KANSL1: variants seen among roughly 807,000 people sequenced by gnomAD.
KANSL1 encodes MLL1/MLL complex subunit KANSL1.
In KANSL1, 22 loss-of-function variants were observed where a neutral mutation model predicts 103.6. The ratio of observed to expected loss-of-function variants is 0.21; its 90% confidence interval spans 0.15 to 0.30. The LOEUF is 0.30. Among genes scored for constraint, KANSL1 ranks in the 10% least tolerant of loss-of-function variants. KANSL1 has a pLI of 1.00. For synonymous variants in KANSL1, 600 were observed against 527.6 expected (o/e 1.14, Z -1.88); for missense variants, 1,337 against 1,399.8 (o/e 0.96, Z 0.72).
intron 3 of KANSL1, chr17:46,088,679 G>C (rs931130584): frequency 6.6e-6 from 1 of 152,522 alleles, no homozygotes; most frequent in Non-Finnish European, 1.5e-5. Context: ...TTTGAGACCA[G>C]CCTGGACAAC....
chr17:46,053,569 C>A (rs2077804880), intron 6 of KANSL1, among the ~76,000 whole-genome samples: 1 of 151,790 alleles, frequency 6.6e-6, no homozygotes, highest in Non-Finnish European at 1.5e-5. Flanking sequence ...GTAGCTGGGA[C>A]TACAGGCGCC....
chr17:46,213,674 T>C (rs907795978), intron 1 of KANSL1, among the ~76,000 whole-genome samples: 1 of 151,052 alleles, frequency 6.6e-6, no homozygotes, highest in African/African-American at 2.4e-5. Context: ...CCCAGTACTT[T>C]GTGGAGGCCG....
At chr17:46,101,388 A>T (rs1205190057) in intron 2 of KANSL1, among the ~76,000 whole-genome samples, 1 of 152,238 alleles carries the variant, frequency 6.6e-6, no homozygotes, top group Non-Finnish European at 1.5e-5. Flanking sequence ...CATCTGCTTC[A>T]CAAAGTTGTG....
At chr17:46,054,856 T>TG (rs1476887501) in intron 6 of KANSL1, among the ~76,000 whole-genome samples, 8 of 97,006 alleles carry the variant, frequency 8.2e-5, no homozygotes, top group Non-Finnish European at 2.0e-4. Context: ...TCAAAGTAAC[T>TG]TTTTTTTTTT....
chr17:46,085,800 T>C (rs1038390915), intron 3 of KANSL1, among the ~76,000 whole-genome samples: 30 of 152,162 alleles, frequency 2.0e-4, no homozygotes, highest in Admixed American at 7.2e-4. Flanking sequence ...CTAATTGTTC[T>C]ATTTTTTGGT....
At chr17:46,112,929 C>G (rs1166648180) in intron 2 of KANSL1, among the ~76,000 whole-genome samples, 2 of 152,130 alleles carry the variant, frequency 1.3e-5, no homozygotes, top group Non-Finnish European at 2.9e-5. Context: ...CCATGTTGGT[C>G]AGGGTGGTCT....
intron 10 of KANSL1, chr17:46,037,455 T>C (rs1417406100): frequency 2.0e-5 from 3 of 152,244 alleles, no homozygotes; most frequent in East Asian, 1.9e-4. Flanking sequence ...TTTTATGAGC[T>C]TGGAAGTTTC....
chr17:46,219,959 C>G (rs1226174071), intron 1 of KANSL1, among the ~76,000 whole-genome samples: 1 of 151,872 alleles, frequency 6.6e-6, no homozygotes, highest in South Asian at 2.1e-4. Flanking sequence ...AAAAATTAGC[C>G]GGGCGTGGTG....
At chr17:46,193,466 G>A (rs2047468244), upstream of KANSL1, 1 of 151,332 alleles carries the variant, frequency 6.6e-6, no homozygotes, top group African/African-American at 2.4e-5. Context: ...CCGGGGACAC[G>A]GGGAGGAGGG....
chr17:46,076,739 A>C (rs112197756), intron 4 of KANSL1, among the ~76,000 whole-genome samples: 2 of 151,932 alleles, frequency 1.3e-5, no homozygotes, highest in Non-Finnish European at 2.9e-5. Context: ...GGTTTCAGCA[A>C]TAAAGTCATT....
intron 5 of KANSL1, among the ~76,000 whole-genome samples, chr17:46,067,051 C>G (rs1380037780): frequency 2.0e-5 from 3 of 152,190 alleles, no homozygotes; most frequent in Non-Finnish European, 2.9e-5. Context: ...GTCTAGAGAA[C>G]TACAGTTGGT....
chr17:46,202,998 G>T (rs920189149), intron 1 of KANSL1, among the ~76,000 whole-genome samples: 1 of 152,220 alleles, frequency 6.6e-6, no homozygotes. Context: ...TTGGGAGGCC[G>T]AGGCCAGTGG....
chr17:46,049,611 G>C (rs74977736), intron 7 of KANSL1: 21,796 of 152,072 alleles, frequency 0.14, 2,136 homozygotes, highest in Non-Finnish European at 0.22. Flanking sequence ...CCACGACACC[G>C]AGCCTCAAGA....
intron 4 of KANSL1, among the ~76,000 whole-genome samples, 156 bp downstream of exon 4, chr17:46,082,285 C>G (rs1444847797): frequency 6.6e-6 from 1 of 152,136 alleles, no homozygotes; most frequent in Non-Finnish European, 1.5e-5. Flanking sequence ...ATTCCCTATT[C>G]AGGAATTCAG....
intron 1 of KANSL1, among the ~76,000 whole-genome samples, chr17:46,202,038 C>G (rs1002839410): frequency 3.3e-5 from 5 of 152,076 alleles, no homozygotes; most frequent in African/African-American, 1.2e-4. Flanking sequence ...GGGCTTGGCA[C>G]CGTGCATCTG....
chr17:46,165,462 G>C (rs1262942723), intron 2 of KANSL1, among the ~76,000 whole-genome samples: 1 of 152,072 alleles, frequency 6.6e-6, no homozygotes, highest in Non-Finnish European at 1.5e-5. Context: ...TCAATCTCCT[G>C]AACTCGTGAT....
intron 7 of KANSL1, 173 bp from the exon 8 acceptor site, chr17:46,040,057 T>A: frequency 1.9e-6 from 1 of 528,322 alleles, no homozygotes; most frequent in Non-Finnish European, 3.3e-6. Flanking sequence ...TTCTTCTATT[T>A]GCAAGCAGGT....
At chr17:46,198,165 C>T (rs2047675233), upstream of KANSL1, among the ~76,000 whole-genome samples, 1 of 152,140 alleles carries the variant, frequency 6.6e-6, no homozygotes, top group Non-Finnish European at 1.5e-5. Flanking sequence ...GCACACAGGA[C>T]CTAGGTAGCC....
chr17:46,197,734 G>C (rs2047661091), upstream of KANSL1, among the ~76,000 whole-genome samples: 1 of 152,258 alleles, frequency 6.6e-6, no homozygotes, highest in Non-Finnish European at 1.5e-5. Flanking sequence ...TCATATACCA[G>C]TCTTGCCACC....
Sources: gnomAD v4.1 joint callset for allele counts (sites outside exome capture counted in the v4.1 genomes callset) on GRCh38, gnomAD v4.1.1 for gene constraint, MANE v1.5 for transcripts, NCBI Gene and HGNC (gene_info 2026-07-23, HGNC 2026-07-21) for gene names.